NAALADL2: variants seen among roughly 807,000 people sequenced by gnomAD.
NAALADL2 encodes the protein N-acetylated alpha-linked acidic dipeptidase like 2.
A neutral mutation model predicts 87.2 loss-of-function variants in NAALADL2; 76 were observed. The ratio of observed to expected loss-of-function variants is 0.87; its 90% CI spans 0.72 to 1.05. The LOEUF (loss-of-function observed/expected upper bound fraction) is 1.05, where lower values mean the gene tolerates loss of function less well. Among genes scored for constraint, NAALADL2 ranks in the 50% least tolerant of loss-of-function variants. The pLI, the probability that NAALADL2 is intolerant of heterozygous loss-of-function variation, is 0.00. For missense variants in NAALADL2, 1,089 were observed against 945.8 expected (o/e 1.15, Z -1.99); for synonymous variants, 354 against 331.0 (o/e 1.07, Z -0.75).
intron 1 of NAALADL2, among the ~76,000 whole-genome samples, chr3:175,021,289 T>C (rs1751524052): frequency 6.6e-6 from 1 of 152,184 alleles, no homozygotes; most frequent in Middle Eastern, 3.4e-3. Flanking sequence ...GACCATGCCT[T>C]TTCTGTTAGA....
At chr3:175,327,447 A>C (rs562010043) in intron 5 of NAALADL2, among the ~76,000 whole-genome samples, 1 of 151,772 alleles carries the variant, frequency 6.6e-6, no homozygotes, top group Non-Finnish European at 1.5e-5. Context: ...GAGCCACCGC[A>C]CCCTGCCTCA....
intron 13 of NAALADL2, among the ~76,000 whole-genome samples, chr3:175,786,827 C>T (rs1180611076): frequency 6.6e-6 from 1 of 152,044 alleles, no homozygotes; most frequent in Non-Finnish European, 1.5e-5. Flanking sequence ...TCTGTTTTTT[C>T]CCCATCTTTG....
intron 1 of NAALADL2, among the ~76,000 whole-genome samples, chr3:174,876,566 A>T (rs990883737): frequency 6.6e-6 from 1 of 152,176 alleles, no homozygotes; most frequent in Admixed American, 6.6e-5. Context: ...ATATTACTGG[A>T]TGACAACTGT....
At chr3:175,201,687 T>G (rs1025614906) in intron 2 of NAALADL2, among the ~76,000 whole-genome samples, 8 of 152,132 alleles carry the variant, frequency 5.3e-5, no homozygotes, top group Non-Finnish European at 7.4e-5. Flanking sequence ...CTTTGTACAC[T>G]AATTTCCTTT....
chr3:175,490,696 T>C (rs1727947080), intron 9 of NAALADL2, among the ~76,000 whole-genome samples: 1 of 151,742 alleles, frequency 6.6e-6, no homozygotes, highest in Non-Finnish European at 1.5e-5. Context: ...CGCCGGACCA[T>C]AAGTAACTAT....
At chr3:175,444,222 C>T (rs1349063461) in intron 5 of NAALADL2, among the ~76,000 whole-genome samples, 4 of 152,052 alleles carry the variant, frequency 2.6e-5, no homozygotes, top group Admixed American at 6.6e-5. Flanking sequence ...ATGAAAACTT[C>T]GAAATGATAG....
At position 174,821,898 on chromosome 3, in the gene NAALADL2, G is replaced by A. The variant is rs538528851; in HGVS notation, c.-9+84152G>A. Among the ~76,000 whole-genome samples the A allele has an allele frequency of 9.3e-4, 141 of 152,320 alleles. 1 individual carries two copies. Among genetic ancestry groups the A allele is most frequent in the African/African-American group, 3.3e-3 (136 of 41,560 alleles). ...TAACACATTAAACAGAAGAAGGACAGCTAGGGAGGGGTTTGGTAAGGAAAA... is the reference window on the plus strand; with the variant it reads ...TAACACATTAAACAGAAGAAGGACAACTAGGGAGGGGTTTGGTAAGGAAAA... On this transcript the variant is annotated intron_variant, in intron 3 of 3. Coordinates refer to the NAALADL2 transcript ENST00000434257.
At chr3:174,866,619 C>T (rs1421834835) in intron 1 of NAALADL2, among the ~76,000 whole-genome samples, 1 of 151,600 alleles carries the variant, frequency 6.6e-6, no homozygotes, top group African/African-American at 2.4e-5. Flanking sequence ...AGGTGTTTTG[C>T]ATTTATTTTG....
At chr3:175,255,768 G>T (rs760378567) in intron 3 of NAALADL2, among the ~76,000 whole-genome samples, 6 of 152,052 alleles carry the variant, frequency 3.9e-5, no homozygotes, top group Non-Finnish European at 8.8e-5. Context: ...GTAACATTGA[G>T]GTCAAATGTA....
intron 1 of NAALADL2, among the ~76,000 whole-genome samples, chr3:174,922,345 T>A (rs1275129676): frequency 2.0e-5 from 3 of 151,776 alleles, no homozygotes; most frequent in South Asian, 2.1e-4. Context: ...ATGATTTTTT[T>A]AAAAGCTTTT....
At chr3:174,771,078 A>T (rs1475635181) in intron 3 of NAALADL2, among the ~76,000 whole-genome samples, 1 of 152,132 alleles carries the variant, frequency 6.6e-6, no homozygotes, top group African/African-American at 2.4e-5. Flanking sequence ...AATTTCTTCG[A>T]TGTTCAAATA....
rs75018455 is a variant in NAALADL2, at chr3:175,719,617, G to T, written c.1897-17689G>T. 7.0e-4 allele frequency among the ~76,000 whole-genome samples: 107 copies of T among 152,224 alleles called. No individual in the cohort carries two copies. The East Asian group carries it at 0.014, about 19-fold the overall frequency. On this transcript the variant is annotated intron_variant, in intron 11 of 13. Coordinates refer to ENST00000454872, the MANE Select transcript of NAALADL2 (RefSeq NM_207015.3). ...TTTTTTAAAACATAGAATAGGTCAT[G>T]CCACTTCTCACTTAAACTCTGGTTT... is the stretch of plus-strand genomic sequence containing the variant.
intron 1 of NAALADL2, among the ~76,000 whole-genome samples, chr3:174,889,522 T>G (rs1730613347): frequency 6.6e-6 from 1 of 152,112 alleles, no homozygotes; most frequent in Admixed American, 6.5e-5. Context: ...TGTGTGCCCT[T>G]ATATCTCTCA....
chr3:175,083,325 T>C (rs1718242926), intron 1 of NAALADL2, among the ~76,000 whole-genome samples: 1 of 152,206 alleles, frequency 6.6e-6, no homozygotes, highest in Non-Finnish European at 1.5e-5. Flanking sequence ...CATATTTATC[T>C]CCCAACATCT....
At chr3:175,583,118 C>T (rs1720018630) in intron 10 of NAALADL2, among the ~76,000 whole-genome samples, 1 of 152,178 alleles carries the variant, frequency 6.6e-6, no homozygotes, top group Non-Finnish European at 1.5e-5. Context: ...ATACTCAGAA[C>T]TCTTTCGGTA....
intron 2 of NAALADL2, among the ~76,000 whole-genome samples, chr3:174,629,874 A>G (rs1170226779): frequency 6.6e-6 from 1 of 152,204 alleles, no homozygotes; most frequent in African/African-American, 2.4e-5. Flanking sequence ...AAAATGAGCA[A>G]TTTTGCCCTG....
chr3:175,508,757 T>C lies in NAALADL2; in HGVS notation c.1653+36999T>C, dbSNP rs375591025. Reference sequence around the variant, plus strand: ...TTACATTATTGAAATAATATTTTAATTGGTGCTTTTGGGTCTATTATTTCT... The same window carrying C: ...TTACATTATTGAAATAATATTTTAACTGGTGCTTTTGGGTCTATTATTTCT... On this transcript the variant is annotated intron_variant, in intron 9 of 13. Coordinates refer to ENST00000454872, the MANE Select transcript of NAALADL2 (RefSeq NM_207015.3). Among the ~76,000 whole-genome samples the C allele has an allele frequency of 3.9e-5, 6 of 152,146 alleles. No homozygotes were observed. In the East Asian group the frequency reaches 5.8e-4, roughly 15 times the overall value.
At chr3:175,425,891 G>T (rs1283598712) in intron 5 of NAALADL2, among the ~76,000 whole-genome samples, 2 of 152,136 alleles carry the variant, frequency 1.3e-5, no homozygotes, top group Admixed American at 6.5e-5. Flanking sequence ...TTTCAGCTGA[G>T]GAAATAAGAG....
chr3:175,410,288 A>C (rs1713246584), intron 5 of NAALADL2, among the ~76,000 whole-genome samples: 1 of 152,118 alleles, frequency 6.6e-6, no homozygotes, highest in African/African-American at 2.4e-5. Flanking sequence ...GAAACTATGT[A>C]CATACACTAT....
Sources: allele counts gnomAD v4.1 joint callset (sites outside exome capture counted in the v4.1 genomes callset), GRCh38; gene constraint gnomAD v4.1.1; transcripts MANE v1.5; gene names NCBI Gene and HGNC (gene_info 2026-07-23, HGNC 2026-07-21).